WDR35: variants seen among roughly 807,000 people sequenced by gnomAD.
WDR35 encodes the protein WD repeat domain 35, also known as WD repeat-containing protein 35.
In WDR35, 118 loss-of-function variants were observed where a neutral mutation model predicts 158.3. The ratio of observed to expected loss-of-function variants is 0.75; its 90% CI spans 0.64 to 0.87. WDR35 has a LOEUF of 0.87. WDR35 is among the 40% of genes least tolerant of loss of function. WDR35 has a pLI of 0.00. For missense variants in WDR35, 1,263 were observed against 1,405.8 expected, an observed-to-expected ratio of 0.90 and a Z score of 1.62; for synonymous variants, 448 against 476.1, an observed-to-expected ratio of 0.94 and a Z score of 0.77.
intron 1 of WDR35, 36 bp downstream of exon 1, chr2:19,989,956 T>C (rs368437208): frequency 1.2e-6 from 2 of 1,612,882 alleles, no homozygotes; most frequent in Non-Finnish European, 1.7e-6. Flanking sequence ...GCTGCGGGAA[T>C]GGCGGAGAAA....
chr2:19,978,850 G>C lies in WDR35; in HGVS notation c.337C>G (p.Arg113Gly). Residue 113 changes from arginine (R) to glycine (G), a missense_variant, in exon 5 of 27, where the codon CGA (arginine) becomes GGA (glycine). Transcript: ENST00000281405. ...ATACTGCGAACAACTGATTTATTTC[G>C]ATTGTTGATCATCTCCTCAATCCAA... ...GSWIEEMINNRNKSVVRSMSW... is the reference protein window; with the variant it reads ...GSWIEEMINNGNKSVVRSMSW... The C allele has an allele frequency of 1.2e-6, 2 of 1,613,620 alleles. No homozygotes were observed. Among genetic ancestry groups the C allele is most frequent in the Non-Finnish European group, 1.7e-6 (2 of 1,179,802 alleles).
At chr2:19,985,013 G>T (rs191357152) in intron 2 of WDR35, among the ~76,000 whole-genome samples, 1 of 152,054 alleles carries the variant, frequency 6.6e-6, no homozygotes, top group Admixed American at 6.5e-5. Flanking sequence ...TGCATCCCTG[G>T]GTCTAGCTAA....
At chr2:19,984,034 T>C (rs1672475505) in intron 2 of WDR35, among the ~76,000 whole-genome samples, 1 of 3,316 alleles carries the variant, frequency 3.0e-4, no homozygotes, top group Non-Finnish European at 1.6e-3. Flanking sequence ...TATATATATA[T>C]ATATATACAT....
At chr2:19,929,829 AT>A (rs762156240) in intron 25 of WDR35, among the ~76,000 whole-genome samples, 2 of 152,240 alleles carry the variant, frequency 1.3e-5, no homozygotes, top group East Asian at 3.9e-4. Context: ...AAATTGTTAG[AT>A]TATTTTACTT....
chr2:19,945,459 T>C (rs1330147018), intron 16 of WDR35, among the ~76,000 whole-genome samples: 1 of 152,074 alleles, frequency 6.6e-6, no homozygotes, highest in East Asian at 1.9e-4. Context: ...TTCTGGTAAA[T>C]AAGGCTACTG....
chr2:19,948,616 G>A (rs1179757096), intron 13 of WDR35, among the ~76,000 whole-genome samples: 9 of 152,178 alleles, frequency 5.9e-5, no homozygotes, highest in Admixed American at 5.9e-4. Context: ...TTGAGGAAAT[G>A]TAAGAAGGCA....
At chr2:19,924,725 C>T (rs80150293) in intron 25 of WDR35, among the ~76,000 whole-genome samples, 2 of 152,138 alleles carry the variant, frequency 1.3e-5, no homozygotes, top group Non-Finnish European at 2.9e-5. Context: ...CGGAGGTAAT[C>T]TGCATAAGGC....
chr2:19,926,840 A>C (rs1670368461), intron 25 of WDR35, among the ~76,000 whole-genome samples: 1 of 152,226 alleles, frequency 6.6e-6, no homozygotes, highest in Non-Finnish European at 1.5e-5. Flanking sequence ...GGATACCATC[A>C]AGACACCTGA....
At chr2:19,978,662 G>A in intron 5 of WDR35, 89 bp downstream of exon 5, 1 of 1,571,374 alleles carries the variant, frequency 6.4e-7, no homozygotes, top group East Asian at 2.3e-5. Context: ...CAATCAGAAT[G>A]CTAACATATG....
intron 11 of WDR35, 21 bp downstream of exon 11, chr2:19,960,529 GAAAT>G: frequency 6.4e-7 from 1 of 1,568,516 alleles, no homozygotes; most frequent in Non-Finnish European, 8.8e-7. Flanking sequence ...GATTGGAAAA[GAAAT>G]AAATATCAAC....
chr2:19,951,558 A>G, intron 12 of WDR35, 74 bp from the exon 13 acceptor site: 2 of 1,130,624 alleles, frequency 1.8e-6, no homozygotes, highest in Non-Finnish European at 2.6e-6. Flanking sequence ...AGAATAAACG[A>G]TTGGACAACA....
intron 8 of WDR35, 92 bp from the exon 9 acceptor site, chr2:19,969,697 G>A: frequency 1.5e-6 from 2 of 1,336,944 alleles, no homozygotes; most frequent in Non-Finnish European, 2.1e-6. Context: ...AAAGTGGTAT[G>A]AACATTATTT....
chr2:19,936,355 T>C lies in WDR35; in HGVS notation c.2278A>G (p.Ile760Val), dbSNP rs370956261. 19 of 1,613,838 alleles carry C rather than the reference T, an allele frequency of 1.2e-5. No homozygotes were observed. In the African/African-American group the frequency reaches 1.2e-4, roughly 10 times the overall value. The change falls in exon 20 of 27, where the codon ATT becomes GTT. Residue 760 changes from isoleucine to valine, a missense_variant. Physicochemically the swap from Ile to Val is conservative, Grantham distance 29 (BLOSUM62 3). Transcript: ENST00000281405. Reference protein sequence around the residue: ...YLEMDRRDLAIGLRLKLGDWF... With the variant: ...YLEMDRRDLAVGLRLKLGDWF... ...TCCCCCAATTTCAGCCGGAGGCCAATAGCAAGATCCCTACAAACAAAGGCA... is the reference window on the plus strand; with the variant it reads ...TCCCCCAATTTCAGCCGGAGGCCAACAGCAAGATCCCTACAAACAAAGGCA...
chr2:19,934,040 ACC>A lies in WDR35; in HGVS notation c.2548-531_2548-530del, dbSNP rs1670612293. ...GCGAGGAAGAACCACCACCACCACC[ACC>A]ACCACCACCACCACCACCACCACCA... is the stretch of plus-strand genomic sequence containing the variant. On this transcript the variant is annotated intron_variant, in intron 21 of 26. Transcript: ENST00000281405. This position sits in a 1 kb window ranked among gnomAD's most constrained non-coding sequence, Gnocchi z 4.6. Among the ~76,000 whole-genome samples, 1 of 132,472 alleles carries A rather than the reference ACC, an allele frequency of 7.5e-6. No individual in the cohort carries two copies. The highest frequency in any genetic ancestry group is 1.6e-5 in the Non-Finnish European group (1 of 62,282). 86.9% of individuals were successfully genotyped at this position (132,472 alleles called of 152,430 possible).
chr2:19,957,556 ATTTT>A (rs35202505), intron 11 of WDR35, among the ~76,000 whole-genome samples: 1 of 145,622 alleles, frequency 6.9e-6, no homozygotes, highest in African/African-American at 2.5e-5. Flanking sequence ...AGGTTATTGG[ATTTT>A]TTTTTTTTTT....
At chr2:19,966,573 CAG>C (rs1225176172) in intron 10 of WDR35, 149 bp downstream of exon 10, 6 of 793,008 alleles carry the variant, frequency 7.6e-6, no homozygotes, top group South Asian at 1.8e-5. Context: ...AATGGAGTCA[CAG>C]AGTTTTCCAA....
chr2:19,971,724 C>T (rs1473202242), intron 8 of WDR35, among the ~76,000 whole-genome samples: 1 of 152,028 alleles, frequency 6.6e-6, no homozygotes, highest in Non-Finnish European at 1.5e-5. Flanking sequence ...ACCAGCAAGC[C>T]CTCTACAGTA....
rs1391253506 is a variant in WDR35, at chr2:19,932,214, T to C, written c.2823+69A>G. 19 of 1,590,446 alleles carry C rather than the reference T, an allele frequency of 1.2e-5. No individual in the cohort carries two copies. In the East Asian group the frequency reaches 3.8e-4, roughly 32 times the overall value. ...ATTTGTTTCCAAAGAAAATGGAGAATATGCTCTTTCATATATTAAAATATT... is the reference window on the plus strand; with the variant it reads ...ATTTGTTTCCAAAGAAAATGGAGAACATGCTCTTTCATATATTAAAATATT... On this transcript the variant is annotated intron_variant, in intron 23 of 26. Transcript: ENST00000281405.
intron 25 of WDR35, among the ~76,000 whole-genome samples, chr2:19,922,717 T>TA (rs1013338886): frequency 7.3e-5 from 11 of 151,708 alleles, no homozygotes; most frequent in Non-Finnish European, 1.3e-4. Flanking sequence ...AAAGTATAAT[T>TA]AAAAAAAAGT....
Sources: allele counts gnomAD v4.1 joint callset (sites outside exome capture counted in the v4.1 genomes callset), GRCh38; gene constraint gnomAD v4.1.1; non-coding constraint Gnocchi (gnomAD v3.1); transcripts MANE v1.5; gene names NCBI Gene and HGNC (gene_info 2026-07-23, HGNC 2026-07-21).